Variants in KRCC1 observed in about 807,000 individuals in gnomAD.
The protein encoded by KRCC1 is lysine-rich coiled-coil protein 1.
KRCC1 carries 3 observed loss-of-function variants against 7.4 expected under a neutral mutation model. That is an observed-to-expected ratio of 0.40 (90% CI 0.18 to 1.04). KRCC1 has a LOEUF of 1.04. Ranked by LOEUF, KRCC1 falls within the 50% of genes least tolerant of loss-of-function variation. The pLI, the probability that KRCC1 is intolerant of heterozygous loss-of-function variation, is 0.33. For synonymous variants in KRCC1, 102 were observed against 101.6 expected (o/e 1.00, Z -0.02); for missense variants, 277 against 300.9 (o/e 0.92, Z 0.59).
At chr2:88,038,094 T>C (rs1355512494) in intron 1 of KRCC1, among the ~76,000 whole-genome samples, 1 of 152,202 alleles carries the variant, frequency 6.6e-6, no homozygotes, top group African/African-American at 2.4e-5. Flanking sequence ...GGAAAAACAA[T>C]ATGTAGAACT....
intron 1 of KRCC1, among the ~76,000 whole-genome samples, chr2:88,043,951 A>T (rs540037564): frequency 1.3e-3 from 198 of 152,326 alleles, no homozygotes; most frequent in Non-Finnish European, 2.3e-3. Flanking sequence ...CTGGGATTAC[A>T]GGCATGAGCC....
At chr2:88,031,326 GA>G (rs199529374) in intron 3 of KRCC1, among the ~76,000 whole-genome samples, 24 of 145,784 alleles carry the variant, frequency 1.6e-4, no homozygotes, top group African/African-American at 2.8e-4. Flanking sequence ...TTTAACAAGT[GA>G]AAAAAAAAAA....
At chr2:88,052,469 G>T (rs1223600326) in intron 1 of KRCC1, among the ~76,000 whole-genome samples, 1 of 152,154 alleles carries the variant, frequency 6.6e-6, no homozygotes, top group Non-Finnish European at 1.5e-5. Context: ...CTGCATTTGT[G>T]AAAGATAAAA....
intron 1 of KRCC1, among the ~76,000 whole-genome samples, chr2:88,051,573 G>A (rs1250080160): frequency 6.6e-6 from 1 of 152,190 alleles, no homozygotes; most frequent in Non-Finnish European, 1.5e-5. Context: ...TTTGCCAATT[G>A]TCAAGTGGCA....
chr2:88,044,570 C>T (rs1220812777), intron 1 of KRCC1, among the ~76,000 whole-genome samples: 1 of 152,062 alleles, frequency 6.6e-6, no homozygotes, highest in Non-Finnish European at 1.5e-5. Flanking sequence ...ACAGATACTT[C>T]AGAAAAGAAT....
rs1673451270 is a variant in KRCC1, at chr2:88,050,484, A to C, written c.-291+5142T>G. The stretch of plus-strand genomic sequence containing the variant: ...AATAAAACACAAAAATTAGCTGGGC[A>C]TGGTGGTGCATGCCTGTAATCCCAG... On this transcript the variant is annotated intron_variant, in intron 1 of 3. Transcript: ENST00000347055. 2.6e-5 allele frequency among the ~76,000 whole-genome samples: 4 copies of C among 152,184 alleles called. No individual in the cohort carries two copies. The South Asian group carries it at 6.2e-4, about 24-fold the overall frequency.
At chr2:88,039,946 CTTGAGACCAGGAGT>C (rs1673171503) in intron 1 of KRCC1, among the ~76,000 whole-genome samples, 1 of 151,974 alleles carries the variant, frequency 6.6e-6, no homozygotes, top group African/African-American at 2.4e-5. Context: ...GGGAGGATTG[CTTGAGACCAGGAGT>C]TTGAGACCAG....
At chr2:88,049,091 AC>A (rs1286573882) in intron 1 of KRCC1, among the ~76,000 whole-genome samples, 1 of 152,250 alleles carries the variant, frequency 6.6e-6, no homozygotes, top group African/African-American at 2.4e-5. Flanking sequence ...TACAACAATT[AC>A]AAAAATAACT....
At chr2:88,054,856 C>T (rs182691901) in intron 1 of KRCC1, among the ~76,000 whole-genome samples, 122 of 152,336 alleles carry the variant, frequency 8.0e-4, no homozygotes, top group Non-Finnish European at 1.5e-3. Flanking sequence ...GTAGTCCCAG[C>T]TACTCCGGAG....
chr2:88,036,083 T>C (rs1673084817), intron 2 of KRCC1, among the ~76,000 whole-genome samples: 1 of 152,174 alleles, frequency 6.6e-6, no homozygotes, highest in Non-Finnish European at 1.5e-5. Context: ...AAAATGCAGT[T>C]TCTGACATGA....
At chr2:88,032,336 C>A (rs1296299277) in intron 3 of KRCC1, among the ~76,000 whole-genome samples, 2 of 152,026 alleles carry the variant, frequency 1.3e-5, no homozygotes, top group Admixed American at 1.3e-4. Flanking sequence ...ATCTTTCATA[C>A]CACATTTTTA....
intron 1 of KRCC1, among the ~76,000 whole-genome samples, chr2:88,041,566 A>G (rs932187931): frequency 1.3e-5 from 2 of 152,190 alleles, no homozygotes; most frequent in Non-Finnish European, 2.9e-5. Context: ...TACAAATTAA[A>G]ACAGTTGGGT....
chr2:88,045,512 T>A (rs1242166484), intron 1 of KRCC1, among the ~76,000 whole-genome samples: 1 of 152,142 alleles, frequency 6.6e-6, no homozygotes, highest in African/African-American at 2.4e-5. Flanking sequence ...GTTCTAGAAA[T>A]GCAAACTAAT....
At chr2:88,050,457 C>A (rs1394731464) in intron 1 of KRCC1, among the ~76,000 whole-genome samples, 1 of 152,084 alleles carries the variant, frequency 6.6e-6, no homozygotes, top group Non-Finnish European at 1.5e-5. Flanking sequence ...CCTGTCTCTA[C>A]TAATAAAACA....
Position 88,027,686 on chromosome 2 carries a change from C to G in KRCC1, c.*98G>C. 1 of 1,024,056 alleles carries G rather than the reference C, an allele frequency of 9.8e-7. No individual in the cohort carries two copies. The highest frequency in any genetic ancestry group is 1.4e-6 in the Non-Finnish European group (1 of 702,938). The allele number at this position is 1,024,056 out of a possible 1,614,324, so 63.4% of individuals were successfully genotyped here. A position where few individuals can be genotyped will look rare whatever the true frequency, so the allele number is the denominator to read the frequency against. On this transcript the variant is annotated 3_prime_UTR_variant, in exon 4 of 4. Transcript: ENST00000347055. ...AGGCCTTTGTTAGAAGTTAAAGAAC[C>G]TATTCACATAAGAAAAGTGGTATGA...
Position 88,027,513 on chromosome 2 carries a change from C to T in KRCC1, c.*271G>A. The T allele has an allele frequency of 3.0e-6, 1 of 333,124 alleles. No individual in the cohort carries two copies. The highest frequency in any genetic ancestry group is 5.4e-6 in the Non-Finnish European group (1 of 185,156). The allele number at this position is 333,124 out of a possible 1,614,324, so 20.6% of individuals were successfully genotyped here. Reference sequence around the variant, plus strand: ...AACCTCCCAACAGAAAATATTTCCACCATCAAAGCAATTTGATGAATAAAA... The same window carrying T: ...AACCTCCCAACAGAAAATATTTCCATCATCAAAGCAATTTGATGAATAAAA... On this transcript the variant is annotated 3_prime_UTR_variant, in exon 4 of 4. Transcript: ENST00000347055.
At chr2:88,054,718 T>C (rs957799099) in intron 1 of KRCC1, among the ~76,000 whole-genome samples, 1 of 152,166 alleles carries the variant, frequency 6.6e-6, no homozygotes, top group Non-Finnish European at 1.5e-5. Context: ...GGAATGGAGC[T>C]CAGTCTTTCC....
intron 1 of KRCC1, among the ~76,000 whole-genome samples, chr2:88,039,750 TTAA>T (rs1174312782): frequency 6.6e-6 from 1 of 151,954 alleles, no homozygotes; most frequent in Non-Finnish European, 1.5e-5. Flanking sequence ...AATAAAGGAC[TTAA>T]TTACATTTGA....
At chr2:88,044,758 G>T (rs1051192545) in intron 1 of KRCC1, among the ~76,000 whole-genome samples, 1 of 151,992 alleles carries the variant, frequency 6.6e-6, no homozygotes, top group South Asian at 2.1e-4. Context: ...AAAATTAAAG[G>T]ACTAAGAATA....
Sources: allele counts gnomAD v4.1 joint callset (sites outside exome capture counted in the v4.1 genomes callset), GRCh38; gene constraint gnomAD v4.1.1; transcripts MANE v1.5; gene names NCBI Gene and HGNC (gene_info 2026-07-23, HGNC 2026-07-21).